Variants in ASIC2 observed in about 807,000 individuals in gnomAD.
ASIC2 encodes acid-sensing ion channel 2.
A neutral mutation model predicts 57.3 loss-of-function variants in ASIC2; 25 were observed. That is an observed-to-expected ratio of 0.44 (90% CI 0.32 to 0.61). The LOEUF is 0.61. Ranked by LOEUF, ASIC2 falls within the 20% of genes least tolerant of loss-of-function variation. The pLI is 0.06. For missense variants in ASIC2, 641 were observed against 738.1 expected, an observed-to-expected ratio of 0.87 and a Z score of 1.52; for synonymous variants, 319 against 307.5, an observed-to-expected ratio of 1.04 and a Z score of -0.39.
intron 1 of ASIC2, among the ~76,000 whole-genome samples, chr17:34,119,234 G>A (rs986279233): frequency 4.6e-5 from 7 of 152,094 alleles, no homozygotes; most frequent in African/African-American, 1.2e-4. Context: ...ACATCGATTC[G>A]AGTCCCAGCT....
At chr17:33,749,785 G>T (rs1332868579) in intron 1 of ASIC2, among the ~76,000 whole-genome samples, 1 of 152,154 alleles carries the variant, frequency 6.6e-6, no homozygotes, top group Admixed American at 6.5e-5. Context: ...GCTCAGGCCT[G>T]TTCTATTTCT....
At chr17:33,662,981 A>G (rs1201590965) in intron 1 of ASIC2, among the ~76,000 whole-genome samples, 2 of 152,170 alleles carry the variant, frequency 1.3e-5, no homozygotes, top group Non-Finnish European at 1.5e-5. Context: ...AGACCTGCCA[A>G]TTGTGGCCTT....
intron 1 of ASIC2, among the ~76,000 whole-genome samples, chr17:33,939,476 C>T (rs1381150459): frequency 1.3e-5 from 2 of 152,232 alleles, no homozygotes; most frequent in African/African-American, 4.8e-5. Context: ...CAAAGCATGT[C>T]AGCTGAGAAA....
chr17:33,385,841 A>G (rs1430352527), intron 1 of ASIC2, among the ~76,000 whole-genome samples: 1 of 152,186 alleles, frequency 6.6e-6, no homozygotes, highest in Admixed American at 6.5e-5. Context: ...CCCTGTCTGG[A>G]GGCCAGGTGA....
At chr17:33,367,579 C>A (rs181936195) in intron 1 of ASIC2, among the ~76,000 whole-genome samples, 1 of 152,346 alleles carries the variant, frequency 6.6e-6, no homozygotes, top group African/African-American at 2.4e-5. Context: ...ACCTGCCTCC[C>A]TTCATGCCTG....
At chr17:33,547,536 C>T (rs1915619244) in intron 1 of ASIC2, among the ~76,000 whole-genome samples, 2 of 152,134 alleles carry the variant, frequency 1.3e-5, no homozygotes, top group South Asian at 4.1e-4. Context: ...TGGGCCATCA[C>T]TCAGAGACTG....
intron 1 of ASIC2, among the ~76,000 whole-genome samples, chr17:33,801,715 C>T (rs759084609): frequency 6.6e-6 from 1 of 152,160 alleles, no homozygotes; most frequent in Non-Finnish European, 1.5e-5. Context: ...TTAGCCAGAA[C>T]CTTCAATGTC....
intron 1 of ASIC2, among the ~76,000 whole-genome samples, chr17:33,412,238 A>G (rs911759387): frequency 2.0e-5 from 3 of 152,190 alleles, no homozygotes; most frequent in Admixed American, 6.5e-5. Flanking sequence ...GCCCAGCACA[A>G]CTGTCTAGCA....
intron 1 of ASIC2, chr17:33,529,660 T>C (rs1024204587): frequency 4.6e-5 from 7 of 152,244 alleles, no homozygotes; most frequent in African/African-American, 1.7e-4. Flanking sequence ...ATGATATGTA[T>C]ATGCCACAGT....
At position 33,292,366 on chromosome 17, in the gene ASIC2, G is replaced by T. The variant is rs751391184; in HGVS notation, c.-251C>A. 3.0e-6 allele frequency: 3 copies of T among 985,850 alleles called. No homozygotes were observed. The highest frequency in any genetic ancestry group is 3.6e-6 in the Non-Finnish European group (3 of 830,610). 61.1% of individuals were successfully genotyped at this position (985,850 alleles called of 1,614,324 possible). On this transcript the variant is annotated 5_prime_UTR_variant, in exon 1 of 10. Coordinates refer to ENST00000225823, the MANE Select transcript of ASIC2 (RefSeq NM_183377.2). ...CCCCTGGCAGTGGCCTCTCCCGAGCGCCTCCCAGGCTTTCCCGGCCCCTGG... is the reference window on the plus strand; with the variant it reads ...CCCCTGGCAGTGGCCTCTCCCGAGCTCCTCCCAGGCTTTCCCGGCCCCTGG...
intron 3 of ASIC2, among the ~76,000 whole-genome samples, chr17:33,082,701 A>AAATAAATAAAT (rs145468633): frequency 7.2e-6 from 1 of 139,588 alleles, no homozygotes; most frequent in South Asian, 2.5e-4. Flanking sequence ...TCTGTCTCCA[A>AAATAAATAAAT]AAATAAATAA....
intron 1 of ASIC2, among the ~76,000 whole-genome samples, chr17:33,954,845 T>G (rs1465318539): frequency 6.6e-6 from 1 of 152,192 alleles, no homozygotes; most frequent in Non-Finnish European, 1.5e-5. Flanking sequence ...GCGCCTTTCT[T>G]GCTTATAAGA....
chr17:33,525,021 A>T (rs1051542007), intron 1 of ASIC2, among the ~76,000 whole-genome samples: 1 of 152,190 alleles, frequency 6.6e-6, no homozygotes, highest in Admixed American at 6.5e-5. Flanking sequence ...TATCTTCATT[A>T]TACCTACAAT....
intron 1 of ASIC2, among the ~76,000 whole-genome samples, chr17:33,783,985 G>T (rs747374729): frequency 6.6e-6 from 1 of 152,200 alleles, no homozygotes; most frequent in South Asian, 2.1e-4. Context: ...TTACCTGAGA[G>T]CCCAGAGCAC....
intron 3 of ASIC2, among the ~76,000 whole-genome samples, chr17:33,033,311 G>C (rs1444509277): frequency 6.6e-6 from 1 of 152,194 alleles, no homozygotes; most frequent in African/African-American, 2.4e-5. Context: ...GCCTCCCTGT[G>C]CTCTTCTGGG....
At chr17:33,851,371 C>T (rs1455281815) in intron 1 of ASIC2, among the ~76,000 whole-genome samples, 3 of 151,884 alleles carry the variant, frequency 2.0e-5, no homozygotes, top group Non-Finnish European at 4.4e-5. Flanking sequence ...GGGGAGTAGC[C>T]GAGGGGTAGT....
At chr17:33,501,928 T>G (rs1217298480) in intron 1 of ASIC2, among the ~76,000 whole-genome samples, 1 of 152,026 alleles carries the variant, frequency 6.6e-6, no homozygotes, top group South Asian at 2.1e-4. Flanking sequence ...TTGGAGGCCT[T>G]AGAGGGCCAG....
chr17:34,148,565 C>T (rs1009610031), intron 1 of ASIC2, among the ~76,000 whole-genome samples: 32 of 152,056 alleles, frequency 2.1e-4, no homozygotes, highest in Admixed American at 5.2e-4. Context: ...ACTTTACAGA[C>T]GGGAGAGTCA....
At chr17:33,772,991 T>G (rs140295530) in intron 1 of ASIC2, among the ~76,000 whole-genome samples, 6 of 152,214 alleles carry the variant, frequency 3.9e-5, no homozygotes, top group Non-Finnish European at 5.9e-5. Flanking sequence ...AAGTGCTTAA[T>G]AAGTGGAAAC....
Sources: allele counts gnomAD v4.1 joint callset (sites outside exome capture counted in the v4.1 genomes callset), GRCh38; gene constraint gnomAD v4.1.1; transcripts MANE v1.5; gene names NCBI Gene and HGNC (gene_info 2026-07-23, HGNC 2026-07-21).